NLGN1: variants seen among roughly 807,000 people sequenced by gnomAD.
The protein encoded by NLGN1 is neuroligin 1.
A neutral mutation model predicts 65.5 loss-of-function variants in NLGN1; 12 were observed. The observed-to-expected ratio is 0.18, with a 90% CI of 0.12 to 0.30. The LOEUF is 0.30. Ranked by LOEUF, NLGN1 falls within the 10% of genes least tolerant of loss-of-function variation. NLGN1 has a pLI of 1.00. For synonymous variants in NLGN1, 350 were observed against 359.5 expected, an observed-to-expected ratio of 0.97 and a Z score of 0.30; for missense variants, 750 against 1,007.1, an observed-to-expected ratio of 0.74 and a Z score of 3.46.
chr3:174,135,425 G>T (rs932121711), intron 4 of NLGN1, among the ~76,000 whole-genome samples: 2 of 152,156 alleles, frequency 1.3e-5, no homozygotes, highest in Non-Finnish European at 2.9e-5. Context: ...GGGAGCAGTA[G>T]TTGTCTAGAG....
At chr3:173,743,411 A>G (rs568475659) in intron 3 of NLGN1, among the ~76,000 whole-genome samples, 1 of 152,138 alleles carries the variant, frequency 6.6e-6, no homozygotes, top group South Asian at 2.1e-4. Context: ...ACTCTATTAT[A>G]TTATATTATA....
chr3:173,992,482 C>G (rs1454644359), intron 4 of NLGN1, among the ~76,000 whole-genome samples: 1 of 152,082 alleles, frequency 6.6e-6, no homozygotes, highest in Non-Finnish European at 1.5e-5. Context: ...ACCAATGGCT[C>G]TTTTTTTCTC....
intron 3 of NLGN1, among the ~76,000 whole-genome samples, chr3:173,620,987 G>GA: frequency 6.6e-6 from 1 of 152,258 alleles, no homozygotes; most frequent in African/African-American, 2.4e-5. Flanking sequence ...TGGTAAGTCA[G>GA]AAAATGCATA....
chr3:174,263,130 G>A (rs1747285623), intron 4 of NLGN1, among the ~76,000 whole-genome samples: 1 of 150,098 alleles, frequency 6.7e-6, no homozygotes, highest in African/African-American at 2.5e-5. Context: ...TGGAATAGGT[G>A]TGGTGTGGTG....
At chr3:173,834,316 T>C (rs1324238799) in intron 4 of NLGN1, among the ~76,000 whole-genome samples, 2 of 152,142 alleles carry the variant, frequency 1.3e-5, no homozygotes, top group African/African-American at 4.8e-5. Context: ...TCTTTATTAC[T>C]CTTTATTTTT....
At chr3:174,092,519 T>TAAA (rs56980219) in intron 4 of NLGN1, among the ~76,000 whole-genome samples, 33 of 147,200 alleles carry the variant, frequency 2.2e-4, no homozygotes, top group African/African-American at 6.9e-4. Flanking sequence ...TGGCAATTAT[T>TAAA]AAAAAAAAAA....
At chr3:174,057,304 T>A (rs1736357427) in intron 4 of NLGN1, among the ~76,000 whole-genome samples, 1 of 152,052 alleles carries the variant, frequency 6.6e-6, no homozygotes, top group Non-Finnish European at 1.5e-5. Context: ...GATGTGTGAA[T>A]GCTACTGCAA....
rs1396842900 is a variant in NLGN1 at position 173,552,538 on chromosome 3, G to A, written c.-320-51741G>A. ...TCCACAGCCACAAAACTTGAGGCTT[G>A]CAGACGATTTGAAGGGTGAGAATAA... On this transcript the variant is annotated intron_variant, in intron 2 of 6. Transcript: ENST00000457714. Among the ~76,000 whole-genome samples, 3 of 152,128 alleles carry A rather than the reference G, an allele frequency of 2.0e-5. No individual in the cohort carries two copies. In the East Asian group the frequency reaches 5.8e-4, roughly 29 times the overall value.
intron 4 of NLGN1, among the ~76,000 whole-genome samples, chr3:173,862,822 A>T (rs953924726): frequency 2.0e-4 from 30 of 152,130 alleles, no homozygotes; most frequent in African/African-American, 7.2e-4. Flanking sequence ...AATTTAATTT[A>T]CTCTGAACTC....
At chr3:174,106,846 G>T (rs992585701) in intron 4 of NLGN1, among the ~76,000 whole-genome samples, 3 of 151,936 alleles carry the variant, frequency 2.0e-5, no homozygotes, top group Non-Finnish European at 4.4e-5. Flanking sequence ...AGTTTTAAAA[G>T]ATAAAGAGAA....
chr3:174,000,363 A>C (rs566204769), intron 4 of NLGN1, among the ~76,000 whole-genome samples: 2 of 152,262 alleles, frequency 1.3e-5, no homozygotes, highest in South Asian at 4.1e-4. Context: ...TCATCTTTAT[A>C]AGAAATAATT....
chr3:173,735,965 C>T (rs1351248756), intron 3 of NLGN1, among the ~76,000 whole-genome samples: 1 of 151,808 alleles, frequency 6.6e-6, no homozygotes, highest in Non-Finnish European at 1.5e-5. Context: ...TTCATGCTTT[C>T]CTTGAGGGTG....
chr3:173,704,142 C>G (rs1216220368), intron 3 of NLGN1, among the ~76,000 whole-genome samples: 1 of 152,142 alleles, frequency 6.6e-6, no homozygotes, highest in East Asian at 1.9e-4. Context: ...AATTGTTAGC[C>G]AGTGCAAAAA....
rs551014025 is a variant in NLGN1, at chr3:173,454,059, A to T, written c.-321+18981A>T. 3.9e-5 allele frequency among the ~76,000 whole-genome samples: 6 copies of T among 152,340 alleles called. No homozygotes were observed. The South Asian group carries it at 1.2e-3, about 32-fold the overall frequency. ...TTGTGTAAACAGGCATGAAAACAGC[A>T]TTAATCTCTTGTATATCTCCATCAG... is the stretch of plus-strand genomic sequence containing the variant. On this transcript the variant is annotated intron_variant, in intron 2 of 6. Coordinates refer to ENST00000457714, the Ensembl canonical transcript of NLGN1.
In NLGN1 at chr3:173,685,791, G is replaced by C. The variant is rs1052925205; in HGVS notation, c.493+80700G>C. 4 of 985,196 alleles carry C rather than the reference G, an allele frequency of 4.1e-6. No individual in the cohort carries two copies. The African/African-American group carries it at 7.0e-5, about 17-fold the overall frequency. The allele number at this position is 985,196 out of a possible 1,614,324, so 61.0% of individuals were successfully genotyped here. ...CTTTTTGTATGTGCTGTGTCAAAAA[G>C]GTAAGCACAATGAGAGGGTTGAATG... On this transcript the variant is annotated intron_variant, in intron 3 of 6. Transcript: ENST00000457714.
intron 1 of NLGN1, among the ~76,000 whole-genome samples, chr3:173,415,918 G>GA (rs1560220623): frequency 0.015 from 2,005 of 134,506 alleles, 73 homozygotes; most frequent in African/African-American, 0.062. Context: ...GAGAGAGAGA[G>GA]GGAGAGAGAG....
rs115423721 is a variant in NLGN1, at chr3:174,144,768, A to C, written c.647-130547A>C. 9.9e-3 allele frequency among the ~76,000 whole-genome samples: 1,501 copies of C among 151,708 alleles called. 31 individuals carry two copies. The highest frequency in any genetic ancestry group is 0.034 in the African/African-American group (1,402 of 41,426). ...GCCCACTTTTTGATGGGGTCTTGTAAATTGGTTTAAGTTCCTTGTAGATTC... is the reference window on the plus strand; with the variant it reads ...GCCCACTTTTTGATGGGGTCTTGTACATTGGTTTAAGTTCCTTGTAGATTC... On this transcript the variant is annotated intron_variant, in intron 4 of 6. Coordinates refer to ENST00000457714, the Ensembl canonical transcript of NLGN1.
intron 3 of NLGN1, among the ~76,000 whole-genome samples, chr3:173,691,971 A>G (rs1183076587): frequency 6.6e-6 from 1 of 152,090 alleles, no homozygotes; most frequent in Non-Finnish European, 1.5e-5. Flanking sequence ...CTCTTTATAA[A>G]AGAATACAAA....
At chr3:173,540,087 C>T (rs1738577976) in intron 2 of NLGN1, among the ~76,000 whole-genome samples, 2 of 151,810 alleles carry the variant, frequency 1.3e-5, no homozygotes, top group Non-Finnish European at 2.9e-5. Flanking sequence ...TACGAAGGCC[C>T]AGTAGCAGGC....
Sources: allele counts gnomAD v4.1 joint callset (sites outside exome capture counted in the v4.1 genomes callset), GRCh38; gene constraint gnomAD v4.1.1; transcripts MANE v1.5; gene names NCBI Gene and HGNC (gene_info 2026-07-23, HGNC 2026-07-21).